The following TMTC2 variants were observed in gnomAD, a reference collection of about 807,000 sequenced individuals.
TMTC2 encodes the protein transmembrane O-mannosyltransferase targeting cadherins 2, also known as protein O-mannosyl-transferase TMTC2.
TMTC2 carries 43 observed loss-of-function variants against 82.4 expected under a neutral mutation model. That is an observed-to-expected ratio of 0.52 (90% CI 0.41 to 0.67). The LOEUF is 0.67. TMTC2 is among the 30% of genes least tolerant of loss of function. The pLI is 0.00. For synonymous variants in TMTC2, 408 were observed against 381.9 expected, an observed-to-expected ratio of 1.07 and a Z score of -0.80; for missense variants, 919 against 1,012.4, an observed-to-expected ratio of 0.91 and a Z score of 1.25.
At chr12:82,783,956 A>G (rs1329993490) in intron 1 of TMTC2, among the ~76,000 whole-genome samples, 1 of 152,114 alleles carries the variant, frequency 6.6e-6, no homozygotes, top group Non-Finnish European at 1.5e-5. Context: ...TTATAACAAT[A>G]TTCTACAAGT....
At chr12:83,100,092 G>T (rs561755115) in intron 11 of TMTC2, among the ~76,000 whole-genome samples, 101 of 151,904 alleles carry the variant, frequency 6.6e-4, no homozygotes, top group African/African-American at 2.3e-3. Context: ...GCTAATTTTT[G>T]TATTTTTAGT....
chr12:82,832,085 G>A (rs949492209), intron 1 of TMTC2, among the ~76,000 whole-genome samples: 3 of 152,140 alleles, frequency 2.0e-5, no homozygotes, highest in African/African-American at 4.8e-5. Flanking sequence ...TTACCATTTT[G>A]AAGTGATCTG....
chr12:82,833,060 C>T (rs1869836620), intron 1 of TMTC2, among the ~76,000 whole-genome samples: 1 of 152,220 alleles, frequency 6.6e-6, no homozygotes, highest in African/African-American at 2.4e-5. Context: ...TGCTTTCTCT[C>T]AGTGGAGAGT....
At chr12:82,840,743 T>C (rs537923026) in intron 1 of TMTC2, among the ~76,000 whole-genome samples, 26 of 152,336 alleles carry the variant, frequency 1.7e-4, no homozygotes, top group African/African-American at 6.3e-4. Flanking sequence ...GGCTAAACTA[T>C]ACCATCACTT....
rs1053935283 is a variant in TMTC2, at chr12:83,132,622, G to A, written c.*233G>A. On this transcript the variant is annotated 3_prime_UTR_variant, in exon 12 of 12. Coordinates refer to ENST00000321196, the MANE Select transcript of TMTC2 (RefSeq NM_152588.3). ...AGGATGTCATTGTTACCCATAGACT[G>A]TAAACCAGAGCACTTAAAACAGAAC... 6.9e-5 allele frequency: 33 copies of A among 475,672 alleles called. No homozygotes were observed. The Admixed American group carries it at 9.1e-4, about 13-fold the overall frequency. 29.5% of individuals were successfully genotyped at this position (475,672 alleles called of 1,614,324 possible). A position where few individuals can be genotyped will look rare whatever the true frequency, so the allele number is the denominator to read the frequency against.
chr12:82,801,134 G>A (rs779381523), intron 1 of TMTC2, among the ~76,000 whole-genome samples: 13 of 152,114 alleles, frequency 8.5e-5, no homozygotes, highest in Non-Finnish European at 1.8e-4. Context: ...TTTCAGGCAT[G>A]GAGTAAGGAT....
intron 8 of TMTC2, among the ~76,000 whole-genome samples, chr12:83,002,999 A>G (rs1269037362): frequency 1.3e-5 from 2 of 152,094 alleles, no homozygotes; most frequent in Admixed American, 1.3e-4. Context: ...TGATCTGTCT[A>G]ACGCTGTCAG....
intron 7 of TMTC2, among the ~76,000 whole-genome samples, chr12:82,977,087 G>C (rs916553187): frequency 2.6e-5 from 4 of 151,912 alleles, no homozygotes; most frequent in Non-Finnish European, 4.4e-5. Flanking sequence ...TACCTAGCTA[G>C]GTTCCGTAAG....
chr12:83,034,133 T>A (rs1039103703), intron 9 of TMTC2, among the ~76,000 whole-genome samples: 23 of 152,094 alleles, frequency 1.5e-4, no homozygotes, highest in Non-Finnish European at 8.8e-5. Context: ...GCAACCACAC[T>A]GTTCTGTGTT....
chr12:83,042,036 T>G (rs1243281943), intron 9 of TMTC2, among the ~76,000 whole-genome samples: 1 of 152,254 alleles, frequency 6.6e-6, no homozygotes, highest in Non-Finnish European at 1.5e-5. Flanking sequence ...CAATTTATTC[T>G]TCTGCCTTAA....
At chr12:82,955,473 T>G (rs577029945) in intron 4 of TMTC2, among the ~76,000 whole-genome samples, 1 of 152,208 alleles carries the variant, frequency 6.6e-6, no homozygotes, top group Admixed American at 6.6e-5. Flanking sequence ...AAATATTATC[T>G]TAGACAAAGA....
chr12:83,062,650 G>A (rs1592723365), intron 11 of TMTC2, among the ~76,000 whole-genome samples: 1 of 151,898 alleles, frequency 6.6e-6, no homozygotes, highest in South Asian at 2.1e-4. Flanking sequence ...CATCCATTGG[G>A]CAAGCATCTA....
intron 1 of TMTC2, among the ~76,000 whole-genome samples, chr12:82,833,683 G>A (rs571457475): frequency 6.6e-6 from 1 of 152,292 alleles, no homozygotes; most frequent in African/African-American, 2.4e-5. Context: ...ATTCAGTAAT[G>A]CATTCAAGAT....
intron 4 of TMTC2, among the ~76,000 whole-genome samples, chr12:82,933,411 T>C (rs1448794240): frequency 6.6e-6 from 1 of 152,168 alleles, no homozygotes; most frequent in East Asian, 1.9e-4. Context: ...AGTTTTCTCA[T>C]AGAAAGTTCA....
At chr12:83,030,071 G>A (rs1227736066) in intron 8 of TMTC2, among the ~76,000 whole-genome samples, 2 of 151,994 alleles carry the variant, frequency 1.3e-5, no homozygotes, top group East Asian at 3.9e-4. Context: ...TATTTGGCCT[G>A]TAATATTTTT....
intron 1 of TMTC2, among the ~76,000 whole-genome samples, chr12:82,738,480 A>G (rs1268046789): frequency 2.0e-5 from 3 of 152,182 alleles, no homozygotes; most frequent in Non-Finnish European, 4.4e-5. Flanking sequence ...GAATGCACCA[A>G]GAGTTTAATA....
At chr12:82,823,469 T>A (rs1869232556) in intron 1 of TMTC2, among the ~76,000 whole-genome samples, 1 of 152,238 alleles carries the variant, frequency 6.6e-6, no homozygotes, top group African/African-American at 2.4e-5. Context: ...ATGAGTACTC[T>A]GCTAGGCTTT....
At chr12:82,875,730 C>T (rs781651366) in intron 2 of TMTC2, among the ~76,000 whole-genome samples, 8 of 151,980 alleles carry the variant, frequency 5.3e-5, no homozygotes, top group Non-Finnish European at 1.2e-4. Context: ...AAGTTCACAG[C>T]AGCTGTAAAA....
chr12:82,957,140 A>G (rs1314170374), intron 4 of TMTC2, among the ~76,000 whole-genome samples: 1 of 152,116 alleles, frequency 6.6e-6, no homozygotes, highest in African/African-American at 2.4e-5. Context: ...CCATAAAGCA[A>G]ATCTCACTAA....
Sources: allele counts gnomAD v4.1 joint callset (sites outside exome capture counted in the v4.1 genomes callset), GRCh38; gene constraint gnomAD v4.1.1; transcripts MANE v1.5; gene names NCBI Gene and HGNC (gene_info 2026-07-23, HGNC 2026-07-21).